MARCHF1: variants seen among roughly 807,000 people sequenced by gnomAD.
MARCHF1 encodes membrane associated ring-CH-type finger 1.
In MARCHF1, 40 loss-of-function variants were observed where a neutral mutation model predicts 54.2. That is an observed-to-expected ratio of 0.74 (90% CI 0.57 to 0.96). The LOEUF (loss-of-function observed/expected upper bound fraction) is 0.96, where lower values mean the gene tolerates loss of function less well. Among genes scored for constraint, MARCHF1 ranks in the 40% least tolerant of loss-of-function variants. The pLI is 0.00. For missense variants in MARCHF1, 586 were observed against 656.5 expected, an observed-to-expected ratio of 0.89 and a Z score of 1.17; for synonymous variants, 236 against 236.3, an observed-to-expected ratio of 1.00 and a Z score of 0.01.
intron 1 of MARCHF1, among the ~76,000 whole-genome samples, chr4:164,215,235 T>C (rs918142481): frequency 6.6e-6 from 1 of 152,114 alleles, no homozygotes; most frequent in South Asian, 2.1e-4. Context: ...AGAAGAGAGA[T>C]GGTTTTCCCC....
chr4:163,858,654 G>A (rs1749835803), intron 3 of MARCHF1, among the ~76,000 whole-genome samples: 1 of 152,098 alleles, frequency 6.6e-6, no homozygotes, highest in African/African-American at 2.4e-5. Context: ...CATTATGAAA[G>A]GAACAACTTG....
At chr4:164,314,567 A>G (rs1734949392) in intron 1 of MARCHF1, among the ~76,000 whole-genome samples, 1 of 152,228 alleles carries the variant, frequency 6.6e-6, no homozygotes, top group African/African-American at 2.4e-5. Flanking sequence ...AAGTGAGCCA[A>G]ATTTTAACCC....
chr4:163,558,144 G>C (rs1230969719), intron 8 of MARCHF1, among the ~76,000 whole-genome samples: 1 of 152,162 alleles, frequency 6.6e-6, no homozygotes, highest in Non-Finnish European at 1.5e-5. Flanking sequence ...GGGCACAGGT[G>C]AGGGGGGAAG....
In MARCHF1 at chr4:164,364,940, A is replaced by G. The variant is rs190809779; in HGVS notation, c.-323+18930T>C. The stretch of plus-strand genomic sequence containing the variant: ...CACAAAATATTCAATAAAATCATTC[A>G]GTTAATGAAACTCAATAAAACTGAA... On this transcript the variant is annotated intron_variant, in intron 1 of 9. Coordinates refer to ENST00000514618, the MANE Select transcript of MARCHF1 (RefSeq NM_001394959.1). 2.2e-3 allele frequency among the ~76,000 whole-genome samples: 340 copies of G among 152,158 alleles called. 2 individuals are homozygous for G. Among genetic ancestry groups the G allele is most frequent in the African/African-American group, 7.6e-3 (317 of 41,546 alleles).
chr4:164,096,402 C>G (rs1011299408), intron 2 of MARCHF1, among the ~76,000 whole-genome samples: 1 of 152,016 alleles, frequency 6.6e-6, no homozygotes, highest in African/African-American at 2.4e-5. Context: ...ACAATAGACA[C>G]TGGAGTCTTC....
At chr4:164,156,809 T>C (rs1730090259) in intron 1 of MARCHF1, among the ~76,000 whole-genome samples, 1 of 152,158 alleles carries the variant, frequency 6.6e-6, no homozygotes, top group South Asian at 2.1e-4. Context: ...ACTATGCCCA[T>C]GTATCTGTTT....
intron 5 of MARCHF1, among the ~76,000 whole-genome samples, chr4:163,648,486 TAGGC>T (rs1307589516): frequency 6.6e-6 from 1 of 151,796 alleles, no homozygotes; most frequent in East Asian, 1.9e-4. Context: ...TGCATAAAAC[TAGGC>T]ACGTTAAGCA....
At chr4:164,111,912 A>G (rs1388278587) in intron 1 of MARCHF1, among the ~76,000 whole-genome samples, 1 of 151,806 alleles carries the variant, frequency 6.6e-6, no homozygotes, top group Non-Finnish European at 1.5e-5. Context: ...CTGAAGTTTT[A>G]TTTTCTAATA....
intron 1 of MARCHF1, among the ~76,000 whole-genome samples, chr4:164,193,342 T>G (rs1044809679): frequency 6.6e-6 from 1 of 151,996 alleles, no homozygotes. Flanking sequence ...TCATTAAAGA[T>G]ACCCTATATC....
At chr4:163,788,620 G>T (rs12510126) in intron 4 of MARCHF1, among the ~76,000 whole-genome samples, 2 of 151,596 alleles carry the variant, frequency 1.3e-5, no homozygotes, top group African/African-American at 2.4e-5. Flanking sequence ...TATTAGATTG[G>T]GGTTATGAAT....
chr4:164,173,888 C>T (rs1386405011), intron 1 of MARCHF1, among the ~76,000 whole-genome samples: 1 of 152,188 alleles, frequency 6.6e-6, no homozygotes, highest in Admixed American at 6.5e-5. Flanking sequence ...CAAGAGCAGA[C>T]TAACACACAA....
chr4:163,966,685 T>C (rs1752450367), intron 3 of MARCHF1, among the ~76,000 whole-genome samples: 1 of 152,146 alleles, frequency 6.6e-6, no homozygotes, highest in Non-Finnish European at 1.5e-5. Flanking sequence ...ATTTTCCTCA[T>C]ATTCTTATTA....
chr4:164,019,240 C>T (rs544964417), intron 2 of MARCHF1, among the ~76,000 whole-genome samples: 32 of 152,276 alleles, frequency 2.1e-4, no homozygotes, highest in Non-Finnish European at 3.4e-4. Flanking sequence ...TCTTCAATTG[C>T]GCTAGGTCTC....
chr4:164,052,148 T>G (rs6836353), intron 2 of MARCHF1, among the ~76,000 whole-genome samples: 1 of 34,304 alleles, frequency 2.9e-5, no homozygotes, highest in African/African-American at 1.0e-4. Flanking sequence ...TTTTTTTTTG[T>G]TTTTTTTGTA....
chr4:163,784,418 C>A (rs1220294855), intron 4 of MARCHF1, among the ~76,000 whole-genome samples: 3 of 152,046 alleles, frequency 2.0e-5, no homozygotes, highest in African/African-American at 4.8e-5. Context: ...ATCTGGATAT[C>A]GTCTGGTGTT....
intron 1 of MARCHF1, among the ~76,000 whole-genome samples, chr4:164,375,089 C>A (rs926256618): frequency 2.0e-5 from 3 of 152,068 alleles, no homozygotes; most frequent in Non-Finnish European, 2.9e-5. Flanking sequence ...TTTAGCAGAA[C>A]CAAAATCCAA....
intron 5 of MARCHF1, among the ~76,000 whole-genome samples, chr4:163,638,218 T>C (rs553464805): frequency 6.8e-6 from 1 of 146,940 alleles, no homozygotes; most frequent in East Asian, 2.0e-4. Context: ...AATGTGCACA[T>C]GTACCCTAAA....
chr4:164,346,602 A>ATGTG (rs1730107145), intron 1 of MARCHF1, among the ~76,000 whole-genome samples: 3 of 26,906 alleles, frequency 1.1e-4, no homozygotes, highest in African/African-American at 3.0e-4. Context: ...GTATGTATGT[A>ATGTG]TGTATATATA....
At position 164,281,851 on chromosome 4, in the gene MARCHF1, G is replaced by A. The variant is rs117301884; in HGVS notation, c.-323+102019C>T. On this transcript the variant is annotated intron_variant, in intron 1 of 9. Transcript: ENST00000514618. ...ACTGCAGGCTGCAGAGCCAGTCAGC[G>A]TGTCCTTCTTCTAACAAATGACTTG... Among the ~76,000 whole-genome samples the A allele has an allele frequency of 3.2e-4, 49 of 152,238 alleles. No homozygotes were observed. The East Asian group carries it at 7.9e-3, about 25-fold the overall frequency.
Sources: allele counts gnomAD v4.1 joint callset (sites outside exome capture counted in the v4.1 genomes callset), GRCh38; gene constraint gnomAD v4.1.1; transcripts MANE v1.5; gene names NCBI Gene and HGNC (gene_info 2026-07-23, HGNC 2026-07-21).